GLYATL1B: variants seen among roughly 807,000 people sequenced by gnomAD.
GLYATL1B encodes the protein glycine-N-acyltransferase like 1B.
A neutral mutation model predicts 5.5 loss-of-function variants in GLYATL1B; 6 were observed. The ratio of observed to expected loss-of-function variants is 1.09; its 90% CI spans 0.60 to 2.15. GLYATL1B has a LOEUF of 2.15. Ranked by LOEUF, GLYATL1B falls within the 30% of genes most tolerant of loss-of-function variation. The pLI, the probability that GLYATL1B is intolerant of heterozygous loss-of-function variation, is 0.00. For missense variants in GLYATL1B, 135 were observed against 94.1 expected, an observed-to-expected ratio of 1.43 and a Z score of -1.80; for synonymous variants, 67 against 34.9, an observed-to-expected ratio of 1.92 and a Z score of -3.24.
chr11:59,092,964 T>C (rs1232638510), intron 2 of GLYATL1B, among the ~76,000 whole-genome samples: 1 of 152,218 alleles, frequency 6.6e-6, no homozygotes, highest in Non-Finnish European at 1.5e-5. Flanking sequence ...CAGTAGGCAC[T>C]ATAACTTAGA....
Position 59,094,486 on chromosome 11 carries a change from A to C in GLYATL1B, c.609A>C (p.Gly203=). 2.6e-6 allele frequency: 2 copies of C among 761,412 alleles called. No individual in the cohort carries two copies. The highest frequency in any genetic ancestry group is 4.1e-5 in the Admixed American group (2 of 48,710). 47.2% of individuals were successfully genotyped at this position (761,412 alleles called of 1,614,324 possible). The part of the protein sequence containing the change: ...RSLRYIKRCL[G]ALPAACMLGP... ...TGCGTTACATCAAGCGCTGCCTAGG[A>C]GCCCTGCCAGCAGCCTGTATGCTGG... The change falls in exon 5 of 5, where the codon GGA becomes GGC. Residue 203 remains glycine, a synonymous_variant. Coordinates refer to ENST00000527482, the MANE Select transcript of GLYATL1B (RefSeq NM_001355566.1).
intron 2 of GLYATL1B, among the ~76,000 whole-genome samples, chr11:59,091,962 A>G (rs1419675797): frequency 6.6e-6 from 1 of 152,224 alleles, no homozygotes; most frequent in African/African-American, 2.4e-5. Context: ...TTCAAATGGT[A>G]GATATTTCAT....
At chr11:59,088,627 CTA>C (rs912718679) in intron 2 of GLYATL1B, among the ~76,000 whole-genome samples, 2 of 152,168 alleles carry the variant, frequency 1.3e-5, no homozygotes, top group Admixed American at 6.5e-5. Flanking sequence ...TTTGTAGTCA[CTA>C]TGTGTATTTT....
intron 1 of GLYATL1B, among the ~76,000 whole-genome samples, chr11:59,086,760 C>T (rs1345581794): frequency 2.0e-5 from 3 of 152,154 alleles, no homozygotes; most frequent in Admixed American, 1.3e-4. Context: ...ATATTAGTAC[C>T]TACCTCTTAA....
chr11:59,094,767 A>G lies in GLYATL1B; in HGVS notation c.890A>G (p.Gln297Arg). The G allele has an allele frequency of 4.3e-6, 2 of 468,082 alleles. No individual in the cohort carries two copies. Among genetic ancestry groups the G allele is most frequent in the Admixed American group, 6.4e-5 (2 of 31,114 alleles). 29.0% of individuals were successfully genotyped at this position (468,082 alleles called of 1,614,324 possible). A position where few individuals can be genotyped will look rare whatever the true frequency, so the allele number is the denominator to read the frequency against. The part of the protein sequence containing the change: ...CQWHQWNCYP[Q>R]NLVPL ...TGGCACCAATGGAACTGCTACCCAC[A>G]GAATCTTGTTCCATTGTAGACAATG... The change falls in exon 5 of 5, where the codon CAG becomes CGG. Residue 297 changes from glutamine to arginine, a missense_variant. Transcript: ENST00000527482.
intron 2 of GLYATL1B, among the ~76,000 whole-genome samples, chr11:59,090,012 G>T (rs1453810744): frequency 2.6e-5 from 4 of 152,050 alleles, no homozygotes; most frequent in African/African-American, 9.6e-5. Context: ...TGAATAGCAT[G>T]AATTAACATT....
At chr11:59,087,852 AC>A in intron 2 of GLYATL1B, among the ~76,000 whole-genome samples, 2 of 152,290 alleles carry the variant, frequency 1.3e-5, no homozygotes, top group African/African-American at 4.8e-5. Flanking sequence ...TGTCATGAAA[AC>A]AATAAAAGTT....
At position 59,094,626 on chromosome 11, in the gene GLYATL1B, G is replaced by A. The variant is rs909104476; in HGVS notation, c.749G>A (p.Arg250Gln). The change falls in exon 5 of 5, where the codon CGA (arginine) becomes CAA (glutamine). Residue 250 changes from arginine (R) to glutamine (Q), a missense_variant. Arg to Gln is a conservative substitution (Grantham distance 43, BLOSUM62 1). Transcript: ENST00000527482. ...GGCAATGGGACACGGCTGATCATGC[G>A]ATGCATGAAGTATCTGTGTCAGAAG... ...RRGNGTRLIM[R>Q]CMKYLCQKNI... 2.3e-6 allele frequency: 1 copy of A among 436,552 alleles called. No individual in the cohort carries two copies. The highest frequency in any genetic ancestry group is 5.8e-4 in the Middle Eastern group (1 of 1,716). 27.0% of individuals were successfully genotyped at this position (436,552 alleles called of 1,614,324 possible). A position where few individuals can be genotyped will look rare whatever the true frequency, so the allele number is the denominator to read the frequency against.
chr11:59,089,595 T>C (rs1383958756), intron 2 of GLYATL1B, among the ~76,000 whole-genome samples: 1 of 152,166 alleles, frequency 6.6e-6, no homozygotes, highest in African/African-American at 2.4e-5. Flanking sequence ...TGACTAGTGA[T>C]ATTCAACATA....
At chr11:59,091,966 A>G (rs927290048) in intron 2 of GLYATL1B, among the ~76,000 whole-genome samples, 1 of 152,268 alleles carries the variant, frequency 6.6e-6, no homozygotes, top group Non-Finnish European at 1.5e-5. Context: ...AATGGTAGAT[A>G]TTTCATTTCA....
chr11:59,093,168 C>T lies in GLYATL1B; in HGVS notation c.187-361C>T, dbSNP rs570170267. ...GTTGCATTCCTTTGCTTCTGCTGGGCGCTCTGTGATGCTATATATAAAATA... is the reference window on the plus strand; with the variant it reads ...GTTGCATTCCTTTGCTTCTGCTGGGTGCTCTGTGATGCTATATATAAAATA... On this transcript the variant is annotated intron_variant, in intron 2 of 4. Transcript: ENST00000527482. Among the ~76,000 whole-genome samples, 8 of 152,220 alleles carry T rather than the reference C, an allele frequency of 5.3e-5. No individual in the cohort carries two copies. In the South Asian group the frequency reaches 6.2e-4, roughly 12 times the overall value.
chr11:59,091,063 C>A (rs1394686671), intron 2 of GLYATL1B, among the ~76,000 whole-genome samples: 1 of 151,840 alleles, frequency 6.6e-6, no homozygotes, highest in East Asian at 1.9e-4. Context: ...AATTTATTAC[C>A]CTAAAAGATC....
At chr11:59,089,908 C>A (rs1231399487) in intron 2 of GLYATL1B, among the ~76,000 whole-genome samples, 1 of 151,926 alleles carries the variant, frequency 6.6e-6, no homozygotes, top group Non-Finnish European at 1.5e-5. Flanking sequence ...TTTCCTAAAC[C>A]AAGATCGTAC....
At position 59,088,343 on chromosome 11, in the gene GLYATL1B, A is replaced by G. The variant is rs115863512; in HGVS notation, c.186+1172A>G. On this transcript the variant is annotated intron_variant, in intron 2 of 4. Coordinates refer to ENST00000527482, the MANE Select transcript of GLYATL1B (RefSeq NM_001355566.1). Reference sequence around the variant, plus strand: ...CTAGGTCTATTTTTTGGCCCTAAAGACTTCCCCTTTTTGTGTCTGTTTCAT... The same window carrying G: ...CTAGGTCTATTTTTTGGCCCTAAAGGCTTCCCCTTTTTGTGTCTGTTTCAT... Among the ~76,000 whole-genome samples the G allele has an allele frequency of 9.6e-3, 1,457 of 152,246 alleles. 24 individuals are homozygous for G. The highest frequency in any genetic ancestry group is 0.033 in the African/African-American group (1,384 of 41,528).
At chr11:59,094,231 G>A in intron 4 of GLYATL1B, 120 bp downstream of exon 4, 1 of 498,914 alleles carries the variant, frequency 2.0e-6, no homozygotes, top group Non-Finnish European at 3.6e-6. Flanking sequence ...AATAAAGGTT[G>A]TCAGTGGTCA....
chr11:59,087,353 A>AG (rs1469982579), intron 2 of GLYATL1B, among the ~76,000 whole-genome samples, 182 bp downstream of exon 2: 2 of 151,860 alleles, frequency 1.3e-5, no homozygotes, highest in Non-Finnish European at 2.9e-5. Context: ...GTAAAGCATA[A>AG]GACTCATTAG....
rs532150823 is a variant in GLYATL1B, at chr11:59,091,685, A to G, written c.187-1844A>G. ...TTAGAGAACTTAAAAGAGAGTTGCC[A>G]TTCGACCCAGCAATGCCATTACTAG... On this transcript the variant is annotated intron_variant, in intron 2 of 4. Transcript: ENST00000527482. Among the ~76,000 whole-genome samples the G allele has an allele frequency of 2.0e-5, 3 of 152,330 alleles. No individual in the cohort carries two copies. The South Asian group carries it at 6.2e-4, about 32-fold the overall frequency.
chr11:59,093,893 A>C (rs1859374615), intron 3 of GLYATL1B, 41 bp from the exon 4 acceptor site: 2 of 632,408 alleles, frequency 3.2e-6, no homozygotes, highest in South Asian at 2.3e-5. Context: ...TAAGTAGAGA[A>C]CTGCATGTCT....
intron 2 of GLYATL1B, among the ~76,000 whole-genome samples, chr11:59,091,081 C>T (rs1329717166): frequency 2.6e-5 from 4 of 152,094 alleles, no homozygotes; most frequent in Non-Finnish European, 5.9e-5. Context: ...ATCTTCTGAT[C>T]AAACTCATTC....
Sources: gnomAD v4.1 joint callset for allele counts (sites outside exome capture counted in the v4.1 genomes callset) on GRCh38, gnomAD v4.1.1 for gene constraint, MANE v1.5 for transcripts, NCBI Gene and HGNC (gene_info 2026-07-23, HGNC 2026-07-21) for gene names.